The following CNGA1 variants were observed in gnomAD, a reference collection of about 807,000 sequenced individuals.
CNGA1 encodes cyclic nucleotide-gated channel alpha-1.
A neutral mutation model predicts 69.7 loss-of-function variants in CNGA1; 53 were observed. That is an observed-to-expected ratio of 0.76 (90% CI 0.61 to 0.96). The LOEUF is 0.96. Ranked by LOEUF, CNGA1 falls within the 40% of genes least tolerant of loss-of-function variation. The pLI is 0.00. For missense variants in CNGA1, 739 were observed against 811.2 expected, an observed-to-expected ratio of 0.91 and a Z score of 1.08; for synonymous variants, 249 against 283.5, an observed-to-expected ratio of 0.88 and a Z score of 1.22.
chr4:47,992,628 C>G (rs1458362747), intron 2 of CNGA1, among the ~76,000 whole-genome samples: 1 of 151,600 alleles, frequency 6.6e-6, no homozygotes, highest in Non-Finnish European at 1.5e-5. Flanking sequence ...GACAGTTTGA[C>G]TTCATCTTTA....
In CNGA1 at chr4:47,949,751, T is replaced by G. The variant is rs549479533; in HGVS notation, c.287+82A>C. The G allele has an allele frequency of 1.2e-4, 117 of 994,098 alleles. No individual in the cohort carries two copies. In the African/African-American group the frequency reaches 1.7e-3, roughly 14 times the overall value. The allele number at this position is 994,098 out of a possible 1,614,324, so 61.6% of individuals were successfully genotyped here. A position where few individuals can be genotyped will look rare whatever the true frequency, so the allele number is the denominator to read the frequency against. ...ATTTGATTAATAAATGTTTCCTCTA[T>G]AACAGATTCAGATATATTCCTACAT... On this transcript the variant is annotated intron_variant, in intron 6 of 10. Transcript: ENST00000514170.
At chr4:48,002,589 G>C (rs903431367) in intron 2 of CNGA1, among the ~76,000 whole-genome samples, 1 of 136,476 alleles carries the variant, frequency 7.3e-6, no homozygotes, top group Admixed American at 7.2e-5. Context: ...TGAAATAGGC[G>C]TCAAAGCTGC....
chr4:48,000,560 G>C (rs961547118), intron 2 of CNGA1, among the ~76,000 whole-genome samples: 1 of 152,120 alleles, frequency 6.6e-6, no homozygotes, highest in African/African-American at 2.4e-5. Flanking sequence ...TAGATACGGG[G>C]CTTCTCCAGA....
At chr4:47,984,657 TATATATACAC>T (rs1437363926) in intron 2 of CNGA1, among the ~76,000 whole-genome samples, 1 of 85,974 alleles carries the variant, frequency 1.2e-5, no homozygotes, top group Non-Finnish European at 2.6e-5. Context: ...AATATATATA[TATATATACAC>T]ACACACACAC....
intron 3 of CNGA1, among the ~76,000 whole-genome samples, chr4:47,956,343 G>A (rs1246435588): frequency 6.6e-6 from 1 of 152,176 alleles, no homozygotes; most frequent in Non-Finnish European, 1.5e-5. Context: ...GCAGGAGTAG[G>A]GTGACTGTTG....
At chr4:47,942,872 C>A (rs1436376760) in intron 8 of CNGA1, 2 of 212,920 alleles carry the variant, frequency 9.4e-6, no homozygotes, top group Non-Finnish European at 1.8e-5. Context: ...CTCCTTGGAA[C>A]CTAAATATTT....
chr4:47,949,911 C>T lies in CNGA1; in HGVS notation c.225-16G>A. On this transcript the variant is annotated splice_polypyrimidine_tract_variant and intron_variant, in intron 5 of 10. Transcript: ENST00000514170. Reference sequence around the variant, plus strand: ...GTACTGCTCCCTGGGAAATGAAAAACATGCAGTGAAATCACAGTAGTCACC... The same window carrying T: ...GTACTGCTCCCTGGGAAATGAAAAATATGCAGTGAAATCACAGTAGTCACC... The T allele has an allele frequency of 1.9e-6, 3 of 1,613,460 alleles. No individual in the cohort carries two copies. The highest frequency in any genetic ancestry group is 1.1e-5 in the South Asian group (1 of 91,052).
At chr4:47,972,272 A>C (rs1274145866) in intron 3 of CNGA1, among the ~76,000 whole-genome samples, 1 of 152,076 alleles carries the variant, frequency 6.6e-6, no homozygotes, top group Admixed American at 6.5e-5. Flanking sequence ...TTTCTTTCCT[A>C]CTAATGAAGG....
rs374347083 is a variant in CNGA1, at chr4:47,997,233, A to C, written c.-123+13561T>G. On this transcript the variant is annotated intron_variant, in intron 2 of 10. Transcript: ENST00000514170. ...TCAGACATGACAAATTATCTATGTGATATAAGCCTCCTAACTTTTGTTGCT... is the reference window on the plus strand; with the variant it reads ...TCAGACATGACAAATTATCTATGTGCTATAAGCCTCCTAACTTTTGTTGCT... Among the ~76,000 whole-genome samples the C allele has an allele frequency of 2.7e-3, 407 of 152,288 alleles. 2 individuals are homozygous for C. The highest frequency in any genetic ancestry group is 0.014 in the Middle Eastern group (4 of 294).
intron 3 of CNGA1, among the ~76,000 whole-genome samples, chr4:47,961,832 TA>T (rs1740457467): frequency 6.6e-6 from 1 of 152,240 alleles, no homozygotes; most frequent in Non-Finnish European, 1.5e-5. Flanking sequence ...TTTTAAACTT[TA>T]TTTAATTTTA....
chr4:47,938,539 C>G (rs1056951091), intron 10 of CNGA1, among the ~76,000 whole-genome samples: 1 of 151,980 alleles, frequency 6.6e-6, no homozygotes, highest in African/African-American at 2.4e-5. Context: ...ACTACAGGCA[C>G]GTGCCACCAC....
At chr4:47,946,164 G>C (rs1013609926) in intron 6 of CNGA1, among the ~76,000 whole-genome samples, 1 of 152,086 alleles carries the variant, frequency 6.6e-6, no homozygotes, top group African/African-American at 2.4e-5. Context: ...AAGACCTAAT[G>C]CATGCAGGGG....
intron 2 of CNGA1, among the ~76,000 whole-genome samples, chr4:47,996,682 A>C (rs1208912202): frequency 3.9e-5 from 6 of 152,206 alleles, no homozygotes; most frequent in African/African-American, 1.4e-4. Flanking sequence ...ATAATCAAAT[A>C]CAAAGGGCTC....
At chr4:48,015,135 G>C (rs1250303099) in intron 1 of CNGA1, among the ~76,000 whole-genome samples, 1 of 152,088 alleles carries the variant, frequency 6.6e-6, no homozygotes. Flanking sequence ...CCGAGATCGC[G>C]CCACTGCACT....
At chr4:47,941,044 G>A (rs1487356617) in intron 9 of CNGA1, among the ~76,000 whole-genome samples, 175 bp from the exon 10 acceptor site, 1 of 152,116 alleles carries the variant, frequency 6.6e-6, no homozygotes, top group African/African-American at 2.4e-5. Context: ...CTGAGTGGTT[G>A]GATTTCGATC....
intron 2 of CNGA1, among the ~76,000 whole-genome samples, chr4:47,985,015 G>A (rs1280100945): frequency 1.2e-4 from 19 of 152,188 alleles, no homozygotes; most frequent in Non-Finnish European, 2.8e-4. Context: ...TCCCAGGACT[G>A]AGTTTGAATC....
chr4:47,986,423 C>T (rs910818615), intron 2 of CNGA1, among the ~76,000 whole-genome samples: 2 of 151,430 alleles, frequency 1.3e-5, no homozygotes, highest in South Asian at 2.1e-4. Context: ...AGACACAAAG[C>T]CATTTTTATA....
intron 2 of CNGA1, among the ~76,000 whole-genome samples, chr4:47,991,495 C>T (rs1742267456): frequency 6.6e-6 from 1 of 151,894 alleles, no homozygotes; most frequent in African/African-American, 2.4e-5. Flanking sequence ...TGTTCTTAGC[C>T]CACTTTTTGA....
chr4:47,984,460 A>C (rs530554534), intron 2 of CNGA1, among the ~76,000 whole-genome samples: 25 of 152,024 alleles, frequency 1.6e-4, no homozygotes, highest in Middle Eastern at 3.4e-3. Flanking sequence ...TTTACTAAAA[A>C]TACAAAAATT....
Sources: gnomAD v4.1 joint callset for allele counts (sites outside exome capture counted in the v4.1 genomes callset) on GRCh38, gnomAD v4.1.1 for gene constraint, MANE v1.5 for transcripts, NCBI Gene and HGNC (gene_info 2026-07-23, HGNC 2026-07-21) for gene names.